Variants in NRXN1 observed in about 807,000 individuals in gnomAD.
The protein encoded by NRXN1 is neurexin-1.
NRXN1 carries 39 observed loss-of-function variants against 150.9 expected under a neutral mutation model. The observed-to-expected ratio is 0.26, with a 90% CI of 0.20 to 0.34. NRXN1 has a LOEUF of 0.34. NRXN1 is among the 10% of genes least tolerant of loss of function. NRXN1 has a pLI of 1.00. For synonymous variants in NRXN1, 924 were observed against 757.0 expected (o/e 1.22, Z -3.62); for missense variants, 1,815 against 1,949.9 (o/e 0.93, Z 1.30).
chr2:50,069,011 G>C (rs938173004), intron 19 of NRXN1, among the ~76,000 whole-genome samples: 1 of 152,144 alleles, frequency 6.6e-6, no homozygotes, highest in South Asian at 2.1e-4. Flanking sequence ...GAGGTCATTA[G>C]CTGGAAGAAA....
intron 8 of NRXN1, among the ~76,000 whole-genome samples, chr2:50,587,410 A>C (rs1444179193): frequency 6.6e-6 from 1 of 152,278 alleles, no homozygotes; most frequent in East Asian, 1.9e-4. Flanking sequence ...ACTTGAGCCC[A>C]GGATGGGGAG....
At chr2:50,279,824 G>A (rs2071165265) in intron 17 of NRXN1, among the ~76,000 whole-genome samples, 1 of 152,138 alleles carries the variant, frequency 6.6e-6, no homozygotes, top group South Asian at 2.1e-4. Flanking sequence ...AAACAGAAAA[G>A]TTGAAGTAAA....
chr2:50,690,085 T>A (rs1238415003), intron 5 of NRXN1, among the ~76,000 whole-genome samples: 1 of 152,030 alleles, frequency 6.6e-6, no homozygotes, highest in Non-Finnish European at 1.5e-5. Flanking sequence ...GAAAGTTTCA[T>A]CATGTTAGCA....
chr2:50,144,790 G>A (rs540693415), intron 18 of NRXN1, among the ~76,000 whole-genome samples: 5 of 151,636 alleles, frequency 3.3e-5, no homozygotes, highest in African/African-American at 7.3e-5. Context: ...CATATTGGAC[G>A]AGTTGATTAC....
At chr2:50,254,122 T>A (rs1046902117) in intron 17 of NRXN1, among the ~76,000 whole-genome samples, 3 of 151,964 alleles carry the variant, frequency 2.0e-5, no homozygotes, top group Non-Finnish European at 4.4e-5. Context: ...GGAATTCAAC[T>A]TCTTCCTGGT....
intron 9 of NRXN1, among the ~76,000 whole-genome samples, chr2:50,538,901 C>T (rs1053999124): frequency 6.6e-6 from 1 of 151,234 alleles, no homozygotes; most frequent in Non-Finnish European, 1.5e-5. Flanking sequence ...TGTTTGAGAG[C>T]CTCAAACAGT....
At chr2:51,030,112 T>A (rs1671246633) in intron 1 of NRXN1, among the ~76,000 whole-genome samples, 1 of 40,724 alleles carries the variant, frequency 2.5e-5, no homozygotes, top group African/African-American at 1.9e-4. Context: ...AATCACTGAT[T>A]TTTTTCCTAA....
rs543234161 is a variant in NRXN1 at position 50,367,222 on chromosome 2, A to C, written c.3364+98220T>G. ...AGAAGAAAATGTCGTTGAGTAAATA[A>C]TACTATGGAACTAAAGAAATGCACC... is the stretch of plus-strand genomic sequence containing the variant. On this transcript the variant is annotated intron_variant, in intron 17 of 22. Coordinates refer to ENST00000401669, the MANE Select transcript of NRXN1 (RefSeq NM_001330078.2). 8.5e-5 allele frequency among the ~76,000 whole-genome samples: 13 copies of C among 152,140 alleles called. No individual in the cohort carries two copies. In the South Asian group the frequency reaches 2.7e-3, roughly 32 times the overall value.
chr2:50,448,460 G>A (rs549683338), intron 17 of NRXN1, among the ~76,000 whole-genome samples: 10 of 152,264 alleles, frequency 6.6e-5, no homozygotes, highest in Non-Finnish European at 1.0e-4. Flanking sequence ...AGATGATAAT[G>A]TTGCACAATG....
intron 13 of NRXN1, among the ~76,000 whole-genome samples, chr2:50,502,242 GGAA>G (rs2091984892): frequency 6.6e-6 from 1 of 151,660 alleles, no homozygotes; most frequent in African/African-American, 2.4e-5. Context: ...AAGGAAGGAA[GGAA>G]GGAGGGAAAA....
At chr2:50,574,653 T>G (rs2105480369) in intron 8 of NRXN1, among the ~76,000 whole-genome samples, 1 of 152,298 alleles carries the variant, frequency 6.6e-6, no homozygotes, top group South Asian at 2.1e-4. Flanking sequence ...CTGAAAAATC[T>G]AAAGAGAAGT....
intron 21 of NRXN1, among the ~76,000 whole-genome samples, chr2:49,948,202 C>A (rs1179014073): frequency 6.6e-6 from 1 of 152,048 alleles, no homozygotes; most frequent in African/African-American, 2.4e-5. Flanking sequence ...GTGTTTCATG[C>A]AGACTAAATT....
At chr2:50,200,977 C>T (rs1165968037) in intron 18 of NRXN1, among the ~76,000 whole-genome samples, 1 of 152,050 alleles carries the variant, frequency 6.6e-6, no homozygotes, top group African/African-American at 2.4e-5. Flanking sequence ...TTCCCTTTTT[C>T]TCCATGGGTC....
chr2:50,955,162 A>G (rs550324105), intron 2 of NRXN1, among the ~76,000 whole-genome samples: 5 of 152,326 alleles, frequency 3.3e-5, no homozygotes, highest in Admixed American at 2.0e-4. Flanking sequence ...CACAGCTGAC[A>G]TGGGTCACTA....
At chr2:50,887,178 C>T (rs10490171) in intron 5 of NRXN1, among the ~76,000 whole-genome samples, 19,892 of 151,302 alleles carry the variant, frequency 0.13, 1,519 homozygotes, top group Non-Finnish European at 0.18. Flanking sequence ...ACTACAATTA[C>T]GTTAGACTGT....
chr2:50,594,341 T>G (rs997760253), intron 8 of NRXN1, among the ~76,000 whole-genome samples: 8 of 152,208 alleles, frequency 5.3e-5, no homozygotes, highest in African/African-American at 1.7e-4. Context: ...CATATGGTCA[T>G]ATTTATGTAA....
intron 22 of NRXN1, among the ~76,000 whole-genome samples, chr2:49,941,332 G>A (rs1671936257): frequency 6.6e-6 from 1 of 150,586 alleles, no homozygotes; most frequent in South Asian, 2.1e-4. Context: ...AAAATCGGGT[G>A]AACAAGCAGA....
chr2:50,434,146 G>A (rs977714636), intron 17 of NRXN1, among the ~76,000 whole-genome samples: 31 of 134,010 alleles, frequency 2.3e-4, no homozygotes, highest in African/African-American at 8.4e-4. Context: ...TGCAAGCTCC[G>A]CCTCCCGGGT....
intron 17 of NRXN1, among the ~76,000 whole-genome samples, chr2:50,426,721 C>G (rs1213759558): frequency 1.3e-5 from 2 of 152,154 alleles, no homozygotes; most frequent in African/African-American, 4.8e-5. Flanking sequence ...ACTGCAAATT[C>G]AGTCCCTGAC....
Sources: gnomAD v4.1 joint callset for allele counts (sites outside exome capture counted in the v4.1 genomes callset) on GRCh38, gnomAD v4.1.1 for gene constraint, MANE v1.5 for transcripts, NCBI Gene and HGNC (gene_info 2026-07-23, HGNC 2026-07-21) for gene names.